Variants in PAM observed in about 807,000 individuals in gnomAD.
PAM encodes the protein peptidyl-glycine alpha-amidating monooxygenase.
PAM carries 72 observed loss-of-function variants against 122.1 expected under a neutral mutation model. The observed-to-expected ratio is 0.59, with a 90% CI of 0.49 to 0.72. The LOEUF is 0.72. Ranked by LOEUF, PAM falls within the 30% of genes least tolerant of loss-of-function variation. The pLI, the probability that PAM is intolerant of heterozygous loss-of-function variation, is 0.00. For missense variants in PAM, 1,106 were observed against 1,183.7 expected (o/e 0.93, Z 0.96); for synonymous variants, 389 against 404.4 (o/e 0.96, Z 0.46).
rs1042359658 is a variant in PAM, at chr5:102,918,687, T to C, written c.356+4666T>C. 1.4e-4 allele frequency among the ~76,000 whole-genome samples: 22 copies of C among 152,268 alleles called. No homozygotes were observed. The East Asian group carries it at 4.2e-3, about 29-fold the overall frequency. ...GAGTTTCAGGCTTTGAAAATCATAA[T>C]ATTTTGTTTATACAAATTGTGTTGG... On this transcript the variant is annotated intron_variant, in intron 5 of 25. Coordinates refer to ENST00000438793, the MANE Select transcript of PAM (RefSeq NM_001177306.2).
chr5:102,869,676 T>A (rs1362558742), intron 3 of PAM, among the ~76,000 whole-genome samples: 1 of 152,200 alleles, frequency 6.6e-6, no homozygotes, highest in Non-Finnish European at 1.5e-5. Context: ...CCATTGAATA[T>A]GCCCAGGAAG....
chr5:102,876,147 G>A (rs1789132568), intron 3 of PAM, among the ~76,000 whole-genome samples: 1 of 152,066 alleles, frequency 6.6e-6, no homozygotes, highest in African/African-American at 2.4e-5. Context: ...CTTTATTTAT[G>A]GTTCTTTTCT....
At chr5:102,926,118 C>T (rs1403714907) in intron 6 of PAM, among the ~76,000 whole-genome samples, 1 of 151,476 alleles carries the variant, frequency 6.6e-6, no homozygotes, top group East Asian at 1.9e-4. Flanking sequence ...GACGGAGTCT[C>T]GCTCTGTCGC....
chr5:102,962,685 G>T (rs189034063), intron 14 of PAM, among the ~76,000 whole-genome samples: 25 of 151,734 alleles, frequency 1.6e-4, no homozygotes, highest in Admixed American at 5.9e-4. Context: ...AAAACCCAGG[G>T]GTTTTGTTAG....
At chr5:102,993,000 T>TA (rs1333096792) in intron 16 of PAM, among the ~76,000 whole-genome samples, 2 of 152,084 alleles carry the variant, frequency 1.3e-5, no homozygotes, top group African/African-American at 4.8e-5. Flanking sequence ...TCTTTATAAG[T>TA]ACCATTATTC....
intron 12 of PAM, among the ~76,000 whole-genome samples, chr5:102,952,096 T>C (rs972936765): frequency 6.6e-6 from 1 of 152,138 alleles, no homozygotes; most frequent in Non-Finnish European, 1.5e-5. Flanking sequence ...TATTAACCTT[T>C]GTAGTAAGTA....
intron 1 of PAM, among the ~76,000 whole-genome samples, chr5:102,784,191 C>A (rs1351652674): frequency 3.3e-5 from 5 of 151,560 alleles, no homozygotes; most frequent in Non-Finnish European, 7.4e-5. Flanking sequence ...CCGCGCCCGG[C>A]TGATCTACCC....
At chr5:102,968,287 G>T (rs1764721169) in intron 14 of PAM, among the ~76,000 whole-genome samples, 1 of 152,096 alleles carries the variant, frequency 6.6e-6, no homozygotes, top group South Asian at 2.1e-4. Context: ...GAAAAGACAG[G>T]GAAACCTGAA....
rs75589951 is a variant in PAM at position 102,984,490 on chromosome 5, C to T, written c.1484-5782C>T. Among the ~76,000 whole-genome samples the T allele has an allele frequency of 4.9e-3, 738 of 152,004 alleles. 4 individuals are homozygous for T. Among genetic ancestry groups the T allele is most frequent in the African/African-American group, 0.015 (632 of 41,496 alleles). ...GAATGGTAAAAACAACAAACAACAA[C>T]GAAGATGATCATTATATAATGACAA... On this transcript the variant is annotated intron_variant, in intron 15 of 25. Transcript: ENST00000438793.
At chr5:102,792,606 G>A (rs1762317459) in intron 1 of PAM, among the ~76,000 whole-genome samples, 1 of 152,198 alleles carries the variant, frequency 6.6e-6, no homozygotes, top group African/African-American at 2.4e-5. Flanking sequence ...GAATGGGGCA[G>A]TGTAATAACA....
intron 1 of PAM, among the ~76,000 whole-genome samples, chr5:102,765,906 A>C (rs181740756): frequency 5.9e-5 from 9 of 152,342 alleles, no homozygotes; most frequent in Non-Finnish European, 1.0e-4. Flanking sequence ...ATCATCTGCA[A>C]AGACCCTATT....
chr5:102,809,100 G>A (rs1426637334), intron 1 of PAM, among the ~76,000 whole-genome samples: 1 of 152,052 alleles, frequency 6.6e-6, no homozygotes, highest in African/African-American at 2.4e-5. Context: ...ACACATGACC[G>A]GTTCCTCTCT....
At chr5:102,761,770 CT>C (rs2149676827) in intron 1 of PAM, among the ~76,000 whole-genome samples, 1 of 152,258 alleles carries the variant, frequency 6.6e-6, no homozygotes, top group Admixed American at 6.5e-5. Context: ...TTGAAGGGAA[CT>C]TTTATGAAGA....
intron 7 of PAM, among the ~76,000 whole-genome samples, chr5:102,944,232 C>T (rs925313533): frequency 2.0e-5 from 3 of 152,110 alleles, no homozygotes; most frequent in Admixed American, 2.0e-4. Context: ...ATCTCCATAT[C>T]TTGAAAACCC....
rs573370452 is a variant in PAM, at chr5:103,029,203, G to A, written c.*138G>A. 6 of 593,954 alleles carry A rather than the reference G, an allele frequency of 1.0e-5. No individual in the cohort carries two copies. Among genetic ancestry groups the A allele is most frequent in the Middle Eastern group, 4.7e-4 (1 of 2,144 alleles). 36.8% of individuals were successfully genotyped at this position (593,954 alleles called of 1,614,324 possible). On this transcript the variant is annotated 3_prime_UTR_variant, in exon 26 of 26. Transcript: ENST00000438793. ...GGACTGTACACACTTTATTTACTTC[G>A]TTTTGGTTAAGTTGGCTTCTGTTTC...
intron 4 of PAM, among the ~76,000 whole-genome samples, chr5:102,907,963 G>A (rs1260882047): frequency 1.3e-5 from 2 of 151,716 alleles, no homozygotes; most frequent in African/African-American, 4.8e-5. Flanking sequence ...CTGTGCAGAA[G>A]CTCTTTAGTT....
intron 1 of PAM, among the ~76,000 whole-genome samples, chr5:102,839,461 C>T (rs886950139): frequency 4.7e-5 from 7 of 147,738 alleles, no homozygotes; most frequent in East Asian, 2.0e-4. Context: ...CACTTGAGCC[C>T]GGGAGGTGGA....
intron 1 of PAM, among the ~76,000 whole-genome samples, chr5:102,854,322 A>G (rs1367499746): frequency 6.6e-6 from 1 of 152,214 alleles, no homozygotes; most frequent in East Asian, 1.9e-4. Flanking sequence ...AGGGATTTTT[A>G]TATTTCAAAA....
At chr5:102,851,371 T>C (rs970837720) in intron 1 of PAM, among the ~76,000 whole-genome samples, 2 of 152,208 alleles carry the variant, frequency 1.3e-5, no homozygotes, top group Non-Finnish European at 1.5e-5. Flanking sequence ...ATATTCCCTC[T>C]AGTGTGTTTT....
Sources: gnomAD v4.1 joint callset for allele counts (sites outside exome capture counted in the v4.1 genomes callset) on GRCh38, gnomAD v4.1.1 for gene constraint, MANE v1.5 for transcripts, NCBI Gene and HGNC (gene_info 2026-07-23, HGNC 2026-07-21) for gene names.